CCDC178: variants seen among roughly 807,000 people sequenced by gnomAD.
CCDC178 encodes coiled-coil domain containing 178.
A neutral mutation model predicts 117.4 loss-of-function variants in CCDC178; 126 were observed. That is an observed-to-expected ratio of 1.07 (90% CI 0.93 to 1.24). The LOEUF is 1.24. CCDC178 is among the 50% of genes most tolerant of loss of function. CCDC178 has a pLI of 0.00. For missense variants in CCDC178, 1,030 were observed against 986.9 expected (o/e 1.04, Z -0.59); for synonymous variants, 283 against 313.4 (o/e 0.90, Z 1.02).
chr18:33,017,129 A>C (rs559241454), intron 21 of CCDC178, among the ~76,000 whole-genome samples: 1 of 152,062 alleles, frequency 6.6e-6, no homozygotes, highest in South Asian at 2.1e-4. Flanking sequence ...AAGAAATAAA[A>C]GTCATTCAGT....
chr18:32,957,160 C>A (rs2054612988), intron 22 of CCDC178, among the ~76,000 whole-genome samples: 1 of 152,152 alleles, frequency 6.6e-6, no homozygotes, highest in South Asian at 2.1e-4. Context: ...CTGAGATCCT[C>A]CTTGTTGTAC....
At chr18:33,402,792 C>G (rs555220579) in intron 3 of CCDC178, among the ~76,000 whole-genome samples, 11 of 152,270 alleles carry the variant, frequency 7.2e-5, no homozygotes, top group African/African-American at 2.2e-4. Context: ...TTCAAACTCC[C>G]AAGCTCAATC....
chr18:32,976,941 G>C (rs1003928467), intron 21 of CCDC178, among the ~76,000 whole-genome samples: 1 of 152,116 alleles, frequency 6.6e-6, no homozygotes, highest in Non-Finnish European at 1.5e-5. Context: ...TAATCTTATA[G>C]ATAAATACAA....
chr18:33,180,566 A>T (rs966962946), intron 20 of CCDC178, among the ~76,000 whole-genome samples: 3 of 152,000 alleles, frequency 2.0e-5, no homozygotes, highest in Non-Finnish European at 4.4e-5. Context: ...CTACAATTTT[A>T]AAAATGTGCT....
chr18:33,335,733 CT>C (rs998322921), intron 9 of CCDC178, among the ~76,000 whole-genome samples: 2 of 151,816 alleles, frequency 1.3e-5, no homozygotes, highest in African/African-American at 4.8e-5. Context: ...CTTGTCCTTG[CT>C]TTTATTTTTA....
At chr18:33,203,777 A>T (rs887794967) in intron 20 of CCDC178, among the ~76,000 whole-genome samples, 1 of 152,106 alleles carries the variant, frequency 6.6e-6, no homozygotes, top group Non-Finnish European at 1.5e-5. Flanking sequence ...CATCCTCCTC[A>T]TTGCTCCCTC....
rs1049491615 is a variant in CCDC178, at chr18:32,977,848, T to G, written c.2389-3167A>C. 2.0e-5 allele frequency among the ~76,000 whole-genome samples: 3 copies of G among 152,188 alleles called. No homozygotes were observed. In the East Asian group the frequency reaches 5.8e-4, roughly 29 times the overall value. On this transcript the variant is annotated intron_variant, in intron 21 of 22. Transcript: ENST00000383096. Reference sequence around the variant, plus strand: ...CGGAACTACACCTATGAACAAAGATTTGTTTGCCAAAGAAAATAATAAATT... The same window carrying G: ...CGGAACTACACCTATGAACAAAGATGTGTTTGCCAAAGAAAATAATAAATT...
intron 21 of CCDC178, 147 bp from the exon 22 acceptor site, chr18:32,974,828 T>C (rs2055000321): frequency 1.3e-6 from 1 of 741,990 alleles, no homozygotes; most frequent in Non-Finnish European, 2.1e-6. Flanking sequence ...TTTCACAGTC[T>C]CTTGATTTTT....
At chr18:32,977,327 T>C (rs1022306953) in intron 21 of CCDC178, among the ~76,000 whole-genome samples, 2 of 152,164 alleles carry the variant, frequency 1.3e-5, no homozygotes, top group Non-Finnish European at 2.9e-5. Context: ...AGGATAGTCA[T>C]AAAGACTGCT....
intron 14 of CCDC178, among the ~76,000 whole-genome samples, chr18:33,250,765 C>G (rs60089866): frequency 0.067 from 10,202 of 151,476 alleles, 515 homozygotes; most frequent in African/African-American, 0.14. Flanking sequence ...CGAAAAATTT[C>G]AGTACCAAAA....
chr18:33,240,401 T>TA (rs1368616408), intron 15 of CCDC178, among the ~76,000 whole-genome samples: 2 of 150,976 alleles, frequency 1.3e-5, no homozygotes, highest in Non-Finnish European at 3.0e-5. Context: ...AAACTGAGAC[T>TA]AAAAATACAG....
At chr18:33,126,996 A>T (rs2058013277) in intron 20 of CCDC178, among the ~76,000 whole-genome samples, 1 of 139,426 alleles carries the variant, frequency 7.2e-6, no homozygotes, top group South Asian at 2.2e-4. Context: ...TAAAAAAAAA[A>T]AATATATATA....
chr18:33,357,715 T>G (rs1250179765), intron 6 of CCDC178, among the ~76,000 whole-genome samples: 1 of 152,034 alleles, frequency 6.6e-6, no homozygotes, highest in African/African-American at 2.4e-5. Flanking sequence ...TGTTACAGGT[T>G]TCATAGATTA....
At chr18:33,404,477 G>A (rs1480743113) in intron 3 of CCDC178, among the ~76,000 whole-genome samples, 1 of 152,064 alleles carries the variant, frequency 6.6e-6, no homozygotes, top group Non-Finnish European at 1.5e-5. Flanking sequence ...TAGGGATGTG[G>A]AGAAACTGGA....
At chr18:33,092,724 T>A in intron 21 of CCDC178, 37 bp downstream of exon 21, 1 of 1,463,526 alleles carries the variant, frequency 6.8e-7, no homozygotes, top group Admixed American at 2.1e-5. Flanking sequence ...ATATATGACA[T>A]AAATCATCAC....
intron 20 of CCDC178, among the ~76,000 whole-genome samples, chr18:33,119,299 G>C (rs1364250877): frequency 3.3e-5 from 5 of 151,972 alleles, no homozygotes; most frequent in Non-Finnish European, 5.9e-5. Context: ...TCTGACAAAG[G>C]GCTAATATCC....
intron 20 of CCDC178, among the ~76,000 whole-genome samples, chr18:33,178,903 T>A (rs1051714795): frequency 8.6e-5 from 13 of 150,840 alleles, no homozygotes; most frequent in African/African-American, 3.2e-4. Context: ...CTTTTTCTTT[T>A]CTCATTCCAT....
At position 33,293,198 on chromosome 18, in the gene CCDC178, T is replaced by C. The variant is rs569660332; in HGVS notation, c.1137A>G (p.Thr379=). 4.4e-6 allele frequency: 7 copies of C among 1,593,980 alleles called. No individual in the cohort carries two copies. The African/African-American group carries it at 5.4e-5, about 12-fold the overall frequency. ...AATGTAATTCATTTTTTGATGACTT[T>C]GTTTCCCTTATTGCTTCAGTCACTT... ...EEEVTEAIRE[T]KSSKNELHSL... The change falls in exon 12 of 23, where the codon ACA becomes ACG. Residue 379 remains threonine, a synonymous_variant. Transcript: ENST00000383096.
At chr18:33,273,397 A>C (rs562390989) in intron 12 of CCDC178, among the ~76,000 whole-genome samples, 53 of 151,778 alleles carry the variant, frequency 3.5e-4, no homozygotes, top group African/African-American at 1.2e-3. Context: ...ATAGGCCTAA[A>C]TGAAAATATA....
Sources: allele counts gnomAD v4.1 joint callset (sites outside exome capture counted in the v4.1 genomes callset), GRCh38; gene constraint gnomAD v4.1.1; transcripts MANE v1.5; gene names NCBI Gene and HGNC (gene_info 2026-07-23, HGNC 2026-07-21).